The following SRGAP1 variants were observed in gnomAD, a reference collection of about 807,000 sequenced individuals.
The protein encoded by SRGAP1 is SLIT-ROBO Rho GTPase-activating protein 1.
Under a neutral mutation model 121.9 loss-of-function variants are expected in SRGAP1, and 43 were observed. The observed-to-expected ratio is 0.35, with a 90% confidence interval of 0.28 to 0.46. The LOEUF is 0.46. Among genes scored for constraint, SRGAP1 ranks in the 20% least tolerant of loss-of-function variants. The probability of loss-of-function intolerance (pLI) is 1.00; values close to 1 mark genes in which losing one functional copy is unlikely to be tolerated. For synonymous variants in SRGAP1, 447 were observed against 485.4 expected, an observed-to-expected ratio of 0.92 and a Z score of 1.04; for missense variants, 1,102 against 1,350.9, an observed-to-expected ratio of 0.82 and a Z score of 2.89.
intron 21 of SRGAP1, among the ~76,000 whole-genome samples, chr12:64,133,668 A>G (rs1326784744): frequency 3.9e-5 from 6 of 152,152 alleles, no homozygotes; most frequent in African/African-American, 1.4e-4. Context: ...CCTCAAAGGG[A>G]CCTGGCCTCC....
At chr12:64,117,150 G>A (rs533879718) in intron 18 of SRGAP1, among the ~76,000 whole-genome samples, 1 of 152,264 alleles carries the variant, frequency 6.6e-6, no homozygotes, top group South Asian at 2.1e-4. Flanking sequence ...TTTGCTTGTG[G>A]GTGAGTTGTT....
At chr12:64,024,736 G>A (rs1175263668) in intron 4 of SRGAP1, among the ~76,000 whole-genome samples, 1 of 152,192 alleles carries the variant, frequency 6.6e-6, no homozygotes, top group African/African-American at 2.4e-5. Context: ...GGTTGGGAGG[G>A]CTCAGGGAAC....
At chr12:64,088,738 A>G (rs935591300) in intron 11 of SRGAP1, among the ~76,000 whole-genome samples, 1 of 152,172 alleles carries the variant, frequency 6.6e-6, no homozygotes, top group African/African-American at 2.4e-5. Context: ...TTACCGTACT[A>G]TAGAATCCTA....
intron 1 of SRGAP1, among the ~76,000 whole-genome samples, chr12:63,883,052 A>C (rs765515470): frequency 2.6e-5 from 4 of 152,216 alleles, no homozygotes; most frequent in Non-Finnish European, 5.9e-5. Flanking sequence ...CAGCCTGCCA[A>C]GCTCACAGCT....
chr12:64,046,275 G>A (rs1331385317), intron 6 of SRGAP1, among the ~76,000 whole-genome samples: 6 of 152,164 alleles, frequency 3.9e-5, no homozygotes, highest in Non-Finnish European at 7.3e-5. Flanking sequence ...GGAAGGGTTT[G>A]AATTTTGTTC....
intron 4 of SRGAP1, among the ~76,000 whole-genome samples, chr12:64,041,398 T>TATTTA (rs78069639): frequency 9.4e-5 from 11 of 117,120 alleles, no homozygotes; most frequent in South Asian, 7.4e-4. Flanking sequence ...TTTATTTATT[T>TATTTA]TTTTGAGGCA....
At chr12:64,113,206 G>A (rs369610138) in intron 17 of SRGAP1, among the ~76,000 whole-genome samples, 5 of 151,902 alleles carry the variant, frequency 3.3e-5, no homozygotes, top group African/African-American at 4.8e-5. Flanking sequence ...TCAGGAGTTC[G>A]AGACCAGCCT....
At position 64,150,236 on chromosome 12, in the gene SRGAP1, T is replaced by A. The variant is rs552704277; in HGVS notation, c.*7564T>A. ...CAACATGCCTTGTTCAGTATTAACATCTTGAAGGCAGTTATGGCAGCATGA... is the reference window on the plus strand; with the variant it reads ...CAACATGCCTTGTTCAGTATTAACAACTTGAAGGCAGTTATGGCAGCATGA... On this transcript the variant is annotated 3_prime_UTR_variant, in exon 22 of 22. Coordinates refer to ENST00000355086, the MANE Select transcript of SRGAP1 (RefSeq NM_020762.4). 2.0e-5 allele frequency: 3 copies of A among 152,236 alleles called. No homozygotes were observed. Among genetic ancestry groups the A allele is most frequent in the Admixed American group, 2.0e-4 (3 of 15,286 alleles). 9.4% of individuals were successfully genotyped at this position (152,236 alleles called of 1,614,324 possible).
chr12:63,918,027 G>A (rs1471689350), intron 1 of SRGAP1, among the ~76,000 whole-genome samples: 1 of 152,172 alleles, frequency 6.6e-6, no homozygotes, highest in African/African-American at 2.4e-5. Context: ...CATGGCCTTA[G>A]TCTGAGCAAA....
intron 21 of SRGAP1, among the ~76,000 whole-genome samples, chr12:64,130,820 GTGTGC>G (rs1400861853): frequency 2.0e-5 from 3 of 152,208 alleles, no homozygotes; most frequent in Non-Finnish European, 4.4e-5. Flanking sequence ...CAGAAGCATT[GTGTGC>G]AGGATAGGCA....
intron 18 of SRGAP1, among the ~76,000 whole-genome samples, chr12:64,120,753 T>C (rs1157609681): frequency 3.3e-5 from 5 of 152,134 alleles, no homozygotes; most frequent in Non-Finnish European, 7.4e-5. Context: ...ATTAAAAAGC[T>C]TAAGGTGACC....
chr12:63,961,185 C>T (rs1175983532), intron 1 of SRGAP1, among the ~76,000 whole-genome samples: 1 of 152,140 alleles, frequency 6.6e-6, no homozygotes, highest in Non-Finnish European at 1.5e-5. Context: ...AGCCATACCA[C>T]GTATCAAGTG....
In SRGAP1 at chr12:63,848,682, A is replaced by C. The variant is rs1251254809; in HGVS notation, c.67+3799A>C. On this transcript the variant is annotated intron_variant, in intron 1 of 21. Transcript: ENST00000355086. ...GCCTCAGCCTCCTGAGTAGCTGGAA[A>C]TACAAGCGTGCACCACCATGCCTGA... 2.0e-5 allele frequency among the ~76,000 whole-genome samples: 3 copies of C among 152,076 alleles called. No individual in the cohort carries two copies. In the East Asian group the frequency reaches 5.8e-4, roughly 29 times the overall value.
At chr12:63,876,334 A>C (rs1020778619) in intron 1 of SRGAP1, among the ~76,000 whole-genome samples, 5 of 152,218 alleles carry the variant, frequency 3.3e-5, no homozygotes, top group Non-Finnish European at 7.3e-5. Flanking sequence ...ATAGAAAGGA[A>C]TAATCAGGGA....
At chr12:63,872,330 A>G (rs1899882096) in intron 1 of SRGAP1, among the ~76,000 whole-genome samples, 1 of 152,196 alleles carries the variant, frequency 6.6e-6, no homozygotes, top group Non-Finnish European at 1.5e-5. Flanking sequence ...AAAATCCCCA[A>G]GTCACCAAGA....
At chr12:63,971,501 A>G (rs1483326828) in intron 1 of SRGAP1, among the ~76,000 whole-genome samples, 2 of 152,112 alleles carry the variant, frequency 1.3e-5, no homozygotes, top group Non-Finnish European at 2.9e-5. Flanking sequence ...TTTTCAGATT[A>G]TGCAGGTAAA....
chr12:64,109,108 A>G (rs1218393669), intron 16 of SRGAP1, 71 bp downstream of exon 16: 9 of 1,025,000 alleles, frequency 8.8e-6, no homozygotes, highest in Non-Finnish European at 1.1e-5. Flanking sequence ...TGTAAAATGT[A>G]CGTTGGGTTC....
At chr12:64,107,770 T>C (rs542243528) in intron 15 of SRGAP1, among the ~76,000 whole-genome samples, 238 of 152,274 alleles carry the variant, frequency 1.6e-3, no homozygotes, top group Non-Finnish European at 2.7e-3. Context: ...GATATAAAAG[T>C]ATAGGAAGCT....
intron 1 of SRGAP1, among the ~76,000 whole-genome samples, chr12:63,937,264 T>C (rs2031695147): frequency 6.6e-6 from 1 of 152,124 alleles, no homozygotes; most frequent in South Asian, 2.1e-4. Context: ...TAGGAAAAAC[T>C]GGGATGTTGC....
Sources: gnomAD v4.1 joint callset for allele counts (sites outside exome capture counted in the v4.1 genomes callset) on GRCh38, gnomAD v4.1.1 for gene constraint, MANE v1.5 for transcripts, NCBI Gene and HGNC (gene_info 2026-07-23, HGNC 2026-07-21) for gene names.